Variants in PLCL2 observed in about 807,000 individuals in gnomAD.
PLCL2 encodes phospholipase C like 2.
In PLCL2, 4 loss-of-function variants were observed where a neutral mutation model predicts 79.6. The ratio of observed to expected loss-of-function variants is 0.05; its 90% confidence interval spans 0.02 to 0.11. The LOEUF is 0.11. Among genes scored for constraint, PLCL2 ranks in the 10% least tolerant of loss-of-function variants. The pLI is 1.00. For missense variants in PLCL2, 895 were observed against 1,291.0 expected, an observed-to-expected ratio of 0.69 and a Z score of 4.70; for synonymous variants, 484 against 457.7, an observed-to-expected ratio of 1.06 and a Z score of -0.73.
At chr3:16,908,254 A>C (rs577982996) in intron 1 of PLCL2, among the ~76,000 whole-genome samples, 101 of 152,146 alleles carry the variant, frequency 6.6e-4, no homozygotes, top group Non-Finnish European at 1.2e-3. Flanking sequence ...TGTTATTTTA[A>C]AGCAAATTCC....
chr3:17,012,541 A>C (rs1442548163), intron 2 of PLCL2, among the ~76,000 whole-genome samples: 1 of 152,220 alleles, frequency 6.6e-6, no homozygotes, highest in Non-Finnish European at 1.5e-5. Context: ...ATATAGGTCA[A>C]AGTAAAATGG....
At chr3:16,958,359 A>G (rs1399631354) in intron 1 of PLCL2, among the ~76,000 whole-genome samples, 1 of 152,190 alleles carries the variant, frequency 6.6e-6, no homozygotes, top group Non-Finnish European at 1.5e-5. Context: ...CAGCTTATAT[A>G]CCCACCATTT....
chr3:16,946,953 C>CTTTTTTTTTTTTTTTT (rs1056023349), intron 1 of PLCL2, among the ~76,000 whole-genome samples: 5 of 95,444 alleles, frequency 5.2e-5, no homozygotes, highest in African/African-American at 1.7e-4. Context: ...AAGTTTCATT[C>CTTTTTTTTTTTTTTTT]TTTTTTTTTT....
At chr3:17,013,193 G>A (rs2064346171) in intron 2 of PLCL2, among the ~76,000 whole-genome samples, 1 of 152,242 alleles carries the variant, frequency 6.6e-6, no homozygotes, top group Non-Finnish European at 1.5e-5. Flanking sequence ...CCACTGCCCA[G>A]TGGCTGCTGT....
At position 17,009,550 on chromosome 3, in the gene PLCL2, G is replaced by C; in HGVS notation, c.328-124G>C. 1 of 574,756 alleles carries C rather than the reference G, an allele frequency of 1.7e-6. No individual in the cohort carries two copies. Among genetic ancestry groups the C allele is most frequent in the Non-Finnish European group, 3.0e-6 (1 of 331,412 alleles). The allele number at this position is 574,756 out of a possible 1,614,324, so 35.6% of individuals were successfully genotyped here. A position where few individuals can be genotyped will look rare whatever the true frequency, so the allele number is the denominator to read the frequency against. On this transcript the variant is annotated intron_variant, in intron 1 of 5. Coordinates refer to ENST00000615277, the MANE Select transcript of PLCL2 (RefSeq NM_001144382.2). This position sits in a 1 kb window ranked among gnomAD's most constrained non-coding sequence, Gnocchi z 4.0. ...GATGAATGAGTATCATTCATCACAG[G>C]AATCTAGAATAGGAAATCTTAATAG...
chr3:17,058,540 A>G (rs2064914093), intron 4 of PLCL2, among the ~76,000 whole-genome samples: 1 of 152,110 alleles, frequency 6.6e-6, no homozygotes, highest in South Asian at 2.1e-4. Context: ...GAAAGGGAAG[A>G]TCAGGGGTTT....
intron 1 of PLCL2, among the ~76,000 whole-genome samples, chr3:16,931,241 C>T (rs1021684212): frequency 4.6e-5 from 7 of 151,942 alleles, no homozygotes; most frequent in Admixed American, 1.3e-4. Flanking sequence ...ATTCTGAGAT[C>T]TTTGAGAGTA....
intron 3 of PLCL2, among the ~76,000 whole-genome samples, chr3:17,023,214 T>C (rs527462452): frequency 3.9e-5 from 6 of 152,320 alleles, no homozygotes; most frequent in African/African-American, 1.4e-4. Flanking sequence ...TCAAGAAAGC[T>C]GCAAGAGCCA....
At chr3:17,082,123 C>T (rs1188733495) in intron 5 of PLCL2, among the ~76,000 whole-genome samples, 2 of 150,752 alleles carry the variant, frequency 1.3e-5, no homozygotes, top group Non-Finnish European at 2.9e-5. Context: ...CAACAAACAC[C>T]CCCACCTCTT....
chr3:17,039,815 AT>A (rs1482385846), intron 3 of PLCL2, among the ~76,000 whole-genome samples: 1 of 152,164 alleles, frequency 6.6e-6, no homozygotes, highest in East Asian at 1.9e-4. Flanking sequence ...ACCCTGAAGT[AT>A]TAGTCATCTT....
At chr3:16,969,008 GTGGTTTTTAAGTTCTGTTTATGTAA>G (rs2063832807) in intron 1 of PLCL2, among the ~76,000 whole-genome samples, 1 of 152,004 alleles carries the variant, frequency 6.6e-6, no homozygotes, top group Non-Finnish European at 1.5e-5. Context: ...AGATGTTCAT[GTGGTTTTTAAGTTCTGTTTATGTAA>G]TGAATTGCAT....
intron 1 of PLCL2, among the ~76,000 whole-genome samples, chr3:16,931,439 A>G (rs1484110871): frequency 6.6e-6 from 1 of 152,210 alleles, no homozygotes; most frequent in Non-Finnish European, 1.5e-5. Context: ...TCCCTTAGAA[A>G]AAAAGCACGT....
At chr3:16,983,154 A>G (rs1283839016) in intron 1 of PLCL2, among the ~76,000 whole-genome samples, 6 of 152,258 alleles carry the variant, frequency 3.9e-5, no homozygotes, top group African/African-American at 9.6e-5. Flanking sequence ...CCTTGTACAC[A>G]TATTAAGCAT....
intron 4 of PLCL2, among the ~76,000 whole-genome samples, chr3:17,060,222 G>T (rs1234065069): frequency 6.6e-6 from 1 of 152,210 alleles, no homozygotes; most frequent in East Asian, 1.9e-4. Flanking sequence ...CAGATGGAAA[G>T]TGCTGGCAGA....
intron 1 of PLCL2, among the ~76,000 whole-genome samples, chr3:16,953,739 A>G (rs995155927): frequency 6.6e-6 from 1 of 152,152 alleles, no homozygotes; most frequent in Non-Finnish European, 1.5e-5. Context: ...TAGTACCATT[A>G]GTCCAGACTT....
intron 1 of PLCL2, among the ~76,000 whole-genome samples, chr3:16,967,742 C>T (rs1183199475): frequency 1.3e-5 from 2 of 151,834 alleles, no homozygotes; most frequent in African/African-American, 2.4e-5. Flanking sequence ...AGTTTCTTTT[C>T]CTGTGCAAAA....
chr3:16,989,899 A>G (rs758882489), intron 1 of PLCL2, among the ~76,000 whole-genome samples: 2 of 152,106 alleles, frequency 1.3e-5, no homozygotes, highest in Non-Finnish European at 2.9e-5. Flanking sequence ...TGCTGAAACC[A>G]AGGTTTGTAG....
At chr3:16,927,736 C>CCTGCCTGTTTCCCCCGCCCCCAG (rs1697290176) in intron 1 of PLCL2, among the ~76,000 whole-genome samples, 1 of 152,150 alleles carries the variant, frequency 6.6e-6, no homozygotes, top group Non-Finnish European at 1.5e-5. Flanking sequence ...CCCGCCCCCA[C>CCTGCCTGTTTCCCCCGCCCCCAG]CACACACAAT....
intron 3 of PLCL2, among the ~76,000 whole-genome samples, chr3:17,027,821 G>A (rs997656933): frequency 3.3e-5 from 5 of 152,008 alleles, no homozygotes; most frequent in Non-Finnish European, 7.4e-5. Flanking sequence ...TAATTGTTAC[G>A]GTCAGAAACC....
Sources: gnomAD v4.1 joint callset for allele counts (sites outside exome capture counted in the v4.1 genomes callset) on GRCh38, gnomAD v4.1.1 for gene constraint, Gnocchi (gnomAD v3.1) non-coding constraint, MANE v1.5 for transcripts, NCBI Gene and HGNC (gene_info 2026-07-23, HGNC 2026-07-21) for gene names.